The following USH2A variants were observed in gnomAD, a reference collection of about 807,000 sequenced individuals.
The protein encoded by USH2A is usherin.
A neutral mutation model predicts 538.9 loss-of-function variants in USH2A; 443 were observed. The observed-to-expected ratio is 0.82, with a 90% CI of 0.76 to 0.89. The LOEUF is 0.89. USH2A is among the 40% of genes least tolerant of loss of function. The pLI is 0.00. For missense variants in USH2A, 6,633 were observed against 6,324.8 expected (o/e 1.05, Z -1.65); for synonymous variants, 2,413 against 2,273.5 (o/e 1.06, Z -1.75).
Position 215,861,902 on chromosome 1 carries a change from C to T in USH2A, c.8845+5105G>A, listed in dbSNP as rs372973339. Among the ~76,000 whole-genome samples, 12 of 143,526 alleles carry T rather than the reference C, an allele frequency of 8.4e-5. No individual in the cohort carries two copies. In the South Asian group the frequency reaches 2.5e-3, roughly 29 times the overall value. 94.2% of individuals were successfully genotyped at this position (143,526 alleles called of 152,430 possible). A position where few individuals can be genotyped will look rare whatever the true frequency, so the allele number is the denominator to read the frequency against. Reference sequence around the variant, plus strand: ...GTCACCAGGCTGGAGTGCAGTGGCACGATCTCGGCTCACTGCAACCTCCGC... The same window carrying T: ...GTCACCAGGCTGGAGTGCAGTGGCATGATCTCGGCTCACTGCAACCTCCGC... On this transcript the variant is annotated intron_variant, in intron 44 of 71. Coordinates refer to ENST00000307340, the MANE Select transcript of USH2A (RefSeq NM_206933.4).
At chr1:216,202,263 A>G (rs761141430) in intron 16 of USH2A, among the ~76,000 whole-genome samples, 18 of 152,234 alleles carry the variant, frequency 1.2e-4, no homozygotes, top group Non-Finnish European at 2.4e-4. Context: ...TACTTGCTGA[A>G]TGTTTGTAGC....
At chr1:216,239,909 G>A (rs144920884) in intron 13 of USH2A, among the ~76,000 whole-genome samples, 1 of 150,958 alleles carries the variant, frequency 6.6e-6, no homozygotes, top group African/African-American at 2.4e-5. Context: ...GCAAAGATTT[G>A]GTCTGAAAAG....
chr1:216,417,239 C>T (rs557422108), intron 3 of USH2A, among the ~76,000 whole-genome samples: 9 of 147,862 alleles, frequency 6.1e-5, no homozygotes, highest in South Asian at 2.1e-4. Context: ...CCTCTGAGGA[C>T]GCACACTCAT....
chr1:215,912,083 T>C (rs945735237), intron 38 of USH2A, among the ~76,000 whole-genome samples: 1 of 152,008 alleles, frequency 6.6e-6, no homozygotes, highest in African/African-American at 2.4e-5. Context: ...AGAGTTGTTA[T>C]ATATTCTGGT....
chr1:215,685,357 T>G (rs1286651358), intron 61 of USH2A, among the ~76,000 whole-genome samples: 11 of 150,522 alleles, frequency 7.3e-5, no homozygotes, highest in Non-Finnish European at 1.2e-4. Flanking sequence ...TGTTGTTGTT[T>G]TTTTTTTTGA....
intron 33 of USH2A, among the ~76,000 whole-genome samples, 180 bp downstream of exon 33, chr1:216,000,223 A>G (rs1166785668): frequency 1.3e-5 from 2 of 152,184 alleles, no homozygotes; most frequent in African/African-American, 4.8e-5. Flanking sequence ...GATTGCATAA[A>G]GACAAAATGG....
chr1:215,830,297 G>T (rs2102808643), intron 47 of USH2A, among the ~76,000 whole-genome samples: 1 of 152,280 alleles, frequency 6.6e-6, no homozygotes, highest in African/African-American at 2.4e-5. Context: ...TTTCTGCTGG[G>T]CCCTGCTCCG....
chr1:215,679,621 A>G (rs1658157217), intron 62 of USH2A, among the ~76,000 whole-genome samples: 1 of 152,228 alleles, frequency 6.6e-6, no homozygotes, highest in Non-Finnish European at 1.5e-5. Context: ...TGAGATACGT[A>G]TACAACATTT....
At chr1:215,907,393 C>G (rs1233121691) in intron 38 of USH2A, among the ~76,000 whole-genome samples, 2 of 152,058 alleles carry the variant, frequency 1.3e-5, no homozygotes, top group Non-Finnish European at 2.9e-5. Context: ...CACTAAATTT[C>G]CCCATTTCAG....
intron 21 of USH2A, among the ~76,000 whole-genome samples, chr1:216,156,284 C>CTTTTTTTTTTTTTTTTTTTTTT (rs1403473601): frequency 4.9e-5 from 5 of 102,596 alleles, no homozygotes; most frequent in East Asian, 2.8e-4. Flanking sequence ...TTCTTTCTTT[C>CTTTTTTTTTTTTTTTTTTTTTT]TTTTTTTTTT....
chr1:215,771,579 C>CAAAAAAAAAAAAAAAAAA (rs759067576), intron 55 of USH2A, among the ~76,000 whole-genome samples: 5 of 43,998 alleles, frequency 1.1e-4, no homozygotes, highest in Non-Finnish European at 1.5e-4. Flanking sequence ...GACTCCGTCT[C>CAAAAAAAAAAAAAAAAAA]AAAAAAAAAA....
At chr1:216,301,078 A>C (rs1443899930) in intron 9 of USH2A, among the ~76,000 whole-genome samples, 1 of 151,964 alleles carries the variant, frequency 6.6e-6, no homozygotes, top group East Asian at 1.9e-4. Flanking sequence ...ATTTCTTAAC[A>C]CCTTCAAATT....
At chr1:215,893,056 G>C (rs1665247106) in intron 40 of USH2A, among the ~76,000 whole-genome samples, 2 of 152,114 alleles carry the variant, frequency 1.3e-5, no homozygotes. Context: ...GAGAATTCAT[G>C]AAGTCAGGAA....
intron 21 of USH2A, among the ~76,000 whole-genome samples, chr1:216,134,004 C>T (rs1424045763): frequency 6.6e-6 from 1 of 151,984 alleles, no homozygotes; most frequent in Non-Finnish European, 1.5e-5. Context: ...TATCATGTTG[C>T]TTCTAGGATA....
intron 13 of USH2A, among the ~76,000 whole-genome samples, chr1:216,233,089 C>T (rs189984046): frequency 1.1e-3 from 166 of 152,240 alleles, no homozygotes; most frequent in African/African-American, 3.7e-3. Context: ...CATTTCACTT[C>T]TCTATTTGAA....
At chr1:215,632,559 C>T (rs1228054071) in intron 70 of USH2A, among the ~76,000 whole-genome samples, 2 of 152,334 alleles carry the variant, frequency 1.3e-5, no homozygotes, top group Non-Finnish European at 2.9e-5. Flanking sequence ...GAAATGACTT[C>T]TGGACATTGC....
At position 215,888,476 on chromosome 1, in the gene USH2A, C is replaced by A. The variant is rs1490197090; in HGVS notation, c.8173G>T (p.Ala2725Ser). 1 of 1,613,982 alleles carries A rather than the reference C, an allele frequency of 6.2e-7. No individual in the cohort carries two copies. Among genetic ancestry groups the A allele is most frequent in the African/African-American group, 1.3e-5 (1 of 75,068 alleles). Residue 2725 changes from alanine (A) to serine (S), a missense_variant, in exon 41 of 72, where the codon GCT (alanine) becomes TCT (serine). Transcript: ENST00000307340. Reference sequence around the variant, plus strand: ...GTCACCACAGGTGGCTGCACCCCAGCAGGTCGTGAGGGTCTTGTGGTAACT... The same window carrying A: ...GTCACCACAGGTGGCTGCACCCCAGAAGGTCGTGAGGGTCTTGTGGTAACT... ...VEVTTRPSRP[A>S]GVQPPVVTVL...
intron 22 of USH2A, 104 bp from the exon 23 acceptor site, chr1:216,089,243 C>T: frequency 1.6e-6 from 2 of 1,227,446 alleles, no homozygotes; most frequent in Non-Finnish European, 2.4e-6. Context: ...GATTATGATC[C>T]TGATACAAGC....
chr1:216,176,735 A>G (rs903629988), intron 20 of USH2A, among the ~76,000 whole-genome samples: 3 of 152,092 alleles, frequency 2.0e-5, no homozygotes, highest in African/African-American at 7.2e-5. Context: ...CCCCAACCCC[A>G]GGTAACTACT....
Sources: gnomAD v4.1 joint callset for allele counts (sites outside exome capture counted in the v4.1 genomes callset) on GRCh38, gnomAD v4.1.1 for gene constraint, MANE v1.5 for transcripts, NCBI Gene and HGNC (gene_info 2026-07-23, HGNC 2026-07-21) for gene names.